Variants in CNTN3 observed in about 807,000 individuals in gnomAD.
CNTN3 encodes contactin 3, also known as contactin-3.
A neutral mutation model predicts 119.1 loss-of-function variants in CNTN3; 60 were observed. The ratio of observed to expected loss-of-function variants is 0.50; its 90% CI spans 0.41 to 0.62. CNTN3 has a LOEUF of 0.62. Ranked by LOEUF, CNTN3 falls within the 20% of genes least tolerant of loss-of-function variation. CNTN3 has a pLI of 0.00. For synonymous variants in CNTN3, 450 were observed against 438.7 expected (o/e 1.03, Z -0.32); for missense variants, 1,101 against 1,242.4 (o/e 0.89, Z 1.71).
At chr3:74,510,239 TC>T (rs759028743) in intron 2 of CNTN3, among the ~76,000 whole-genome samples, 1 of 139,058 alleles carries the variant, frequency 7.2e-6, no homozygotes, top group Non-Finnish European at 1.5e-5. Context: ...AATTTATGCA[TC>T]CAACTATAAC....
At chr3:74,310,207 A>G (rs540662363) in intron 13 of CNTN3, among the ~76,000 whole-genome samples, 1 of 152,160 alleles carries the variant, frequency 6.6e-6, no homozygotes, top group East Asian at 1.9e-4. Flanking sequence ...TACATAAGAG[A>G]AAAAAAACAT....
intron 10 of CNTN3, among the ~76,000 whole-genome samples, chr3:74,363,949 ATCT>A (rs1167535481): frequency 6.6e-6 from 1 of 152,082 alleles, no homozygotes; most frequent in African/African-American, 2.4e-5. Context: ...ATGATAGAAC[ATCT>A]TCTTTTTCTC....
chr3:74,327,705 G>T (rs1204551536), intron 13 of CNTN3, among the ~76,000 whole-genome samples: 1 of 151,820 alleles, frequency 6.6e-6, no homozygotes, highest in Non-Finnish European at 1.5e-5. Context: ...CCTTATTATT[G>T]GTGGAGGTGG....
chr3:74,297,905 G>C (rs756422966), intron 18 of CNTN3, 52 bp downstream of exon 18: 3 of 1,399,734 alleles, frequency 2.1e-6, no homozygotes, highest in East Asian at 2.3e-5. Flanking sequence ...AGTTTTTGGA[G>C]CACAAATAAT....
At chr3:74,438,517 C>T (rs1038648323) in intron 4 of CNTN3, among the ~76,000 whole-genome samples, 3 of 152,186 alleles carry the variant, frequency 2.0e-5, no homozygotes, top group Non-Finnish European at 4.4e-5. Flanking sequence ...TATTTGTCAT[C>T]CAAGTCCAGC....
At chr3:74,549,354 G>A (rs1377478753) in intron 1 of CNTN3, among the ~76,000 whole-genome samples, 1 of 152,144 alleles carries the variant, frequency 6.6e-6, no homozygotes, top group African/African-American at 2.4e-5. Context: ...ACAGCCCACA[G>A]AACTGTGAGC....
At chr3:74,564,572 G>A (rs1424093537) in intron 1 of CNTN3, among the ~76,000 whole-genome samples, 1 of 150,368 alleles carries the variant, frequency 6.7e-6, no homozygotes, top group African/African-American at 2.5e-5. Context: ...ACTTATGAAG[G>A]ATCTAGTAGG....
chr3:74,520,423 G>C (rs1703524301), intron 2 of CNTN3, among the ~76,000 whole-genome samples: 1 of 150,960 alleles, frequency 6.6e-6, no homozygotes, highest in South Asian at 2.1e-4. Flanking sequence ...CAAAAAGTTA[G>C]TTATATATAC....
chr3:74,295,523 T>A (rs535149991), intron 18 of CNTN3, among the ~76,000 whole-genome samples: 1 of 152,300 alleles, frequency 6.6e-6, no homozygotes, highest in Non-Finnish European at 1.5e-5. Context: ...TTTGCCTGTC[T>A]TCTCCTCACC....
At position 74,461,623 on chromosome 3, in the gene CNTN3, T is replaced by C. The variant is rs182649623; in HGVS notation, c.358+24833A>G. Among the ~76,000 whole-genome samples the C allele has an allele frequency of 1.3e-3, 196 of 152,242 alleles. 1 individual carries two copies. Among genetic ancestry groups the C allele is most frequent in the African/African-American group, 4.3e-3 (178 of 41,584 alleles). On this transcript the variant is annotated intron_variant, in intron 4 of 22. Coordinates refer to ENST00000263665, the MANE Select transcript of CNTN3 (RefSeq NM_020872.3). ...GCATTTGTTTCCCAAACTAGATCCATTGACATCATTAGTAAAATCTGCAAT... is the reference window on the plus strand; with the variant it reads ...GCATTTGTTTCCCAAACTAGATCCACTGACATCATTAGTAAAATCTGCAAT...
At chr3:74,420,819 G>T (rs1268728703) in intron 5 of CNTN3, among the ~76,000 whole-genome samples, 1 of 152,160 alleles carries the variant, frequency 6.6e-6, no homozygotes. Flanking sequence ...TTTTAGGTTG[G>T]CTGCCTCCTC....
intron 4 of CNTN3, among the ~76,000 whole-genome samples, chr3:74,454,408 T>A (rs1391875678): frequency 6.6e-6 from 1 of 150,800 alleles, no homozygotes; most frequent in Admixed American, 6.7e-5. Context: ...TGTGTGTCTC[T>A]GCACGTGAGA....
At chr3:74,545,185 T>G (rs1277588294) in intron 1 of CNTN3, among the ~76,000 whole-genome samples, 1 of 152,206 alleles carries the variant, frequency 6.6e-6, no homozygotes. Flanking sequence ...AAACTGCAAT[T>G]AAGTATCTAT....
chr3:74,543,189 T>C (rs560342611), intron 1 of CNTN3, among the ~76,000 whole-genome samples: 2 of 152,186 alleles, frequency 1.3e-5, no homozygotes, highest in South Asian at 2.1e-4. Flanking sequence ...AGAAAGTACA[T>C]GAAATGCATG....
chr3:74,571,137 T>C (rs1478926706), intron 1 of CNTN3, among the ~76,000 whole-genome samples: 1 of 152,228 alleles, frequency 6.6e-6, no homozygotes, highest in Non-Finnish European at 1.5e-5. Context: ...TGATATAGAA[T>C]GCAATTCTTC....
intron 1 of CNTN3, among the ~76,000 whole-genome samples, chr3:74,549,289 G>A (rs984041629): frequency 1.3e-5 from 2 of 152,040 alleles, no homozygotes; most frequent in South Asian, 2.1e-4. Context: ...CTTCCCCTTC[G>A]CCCTTCCGTC....
At chr3:74,494,475 C>T (rs1030960328) in intron 3 of CNTN3, among the ~76,000 whole-genome samples, 1 of 152,054 alleles carries the variant, frequency 6.6e-6, no homozygotes, top group Admixed American at 6.6e-5. Context: ...GAAAGATACT[C>T]TACTCTTCCA....
chr3:74,271,561 A>C (rs1039557440), intron 20 of CNTN3, among the ~76,000 whole-genome samples: 1 of 152,204 alleles, frequency 6.6e-6, no homozygotes, highest in African/African-American at 2.4e-5. Context: ...AAAATATGAA[A>C]TTTTAAGAAC....
rs10661320 is a variant in CNTN3 at position 74,338,495 on chromosome 3, C to CGTGT, written c.1365-1841_1365-1838dup. On this transcript the variant is annotated intron_variant, in intron 11 of 22. Transcript: ENST00000263665. Reference sequence around the variant, plus strand: ...ATATGTGCGTATGTGTACACACGTGCGTGTGTGTGTGTATACACATATGTG... The same window carrying CGTGT: ...ATATGTGCGTATGTGTACACACGTGCGTGTGTGTGTGTGTGTATACACATATGTG... 8.7e-5 allele frequency among the ~76,000 whole-genome samples: 13 copies of CGTGT among 149,414 alleles called. No individual in the cohort carries two copies. In the East Asian group the frequency reaches 1.0e-3, roughly 11 times the overall value.
Sources: allele counts gnomAD v4.1 joint callset (sites outside exome capture counted in the v4.1 genomes callset), GRCh38; gene constraint gnomAD v4.1.1; transcripts MANE v1.5; gene names NCBI Gene and HGNC (gene_info 2026-07-23, HGNC 2026-07-21).